Variants in PIAS2 observed in about 807,000 individuals in gnomAD.
PIAS2 encodes the protein E3 SUMO-protein ligase PIAS2.
Under a neutral mutation model 69.7 loss-of-function variants are expected in PIAS2, and 19 were observed. That is an observed-to-expected ratio of 0.27 (90% CI 0.19 to 0.40). The LOEUF (loss-of-function observed/expected upper bound fraction) is 0.40, where lower values mean the gene tolerates loss of function less well. PIAS2 is among the 10% of genes least tolerant of loss of function. The pLI, the probability that PIAS2 is intolerant of heterozygous loss-of-function variation, is 1.00. For missense variants in PIAS2, 624 were observed against 757.0 expected, an observed-to-expected ratio of 0.82 and a Z score of 2.06; for synonymous variants, 261 against 263.2, an observed-to-expected ratio of 0.99 and a Z score of 0.08.
At chr18:46,829,524 G>C (rs1313271434) in intron 10 of PIAS2, among the ~76,000 whole-genome samples, 1 of 152,022 alleles carries the variant, frequency 6.6e-6, no homozygotes, top group Non-Finnish European at 1.5e-5. Context: ...TTCTACACAG[G>C]AAAAATATAC....
At chr18:46,847,777 C>T (rs771444710) in intron 5 of PIAS2, among the ~76,000 whole-genome samples, 3 of 152,132 alleles carry the variant, frequency 2.0e-5, no homozygotes, top group African/African-American at 7.2e-5. Context: ...CCACAGTGCC[C>T]GGCCAACTGT....
At chr18:46,917,541 A>C (rs2058128615), upstream of PIAS2, 4 of 1,137,832 alleles carry the variant, frequency 3.5e-6, no homozygotes, top group Non-Finnish European at 4.3e-6. Flanking sequence ...CGACGCGCCG[A>C]AGCCCCGCCC....
chr18:46,850,447 C>A (rs565890311), intron 5 of PIAS2, among the ~76,000 whole-genome samples: 5 of 152,252 alleles, frequency 3.3e-5, no homozygotes, highest in African/African-American at 1.2e-4. Flanking sequence ...TGAAGAATGA[C>A]TTCGCATTCT....
At chr18:46,861,156 T>G (rs2048604386) in intron 3 of PIAS2, among the ~76,000 whole-genome samples, 1 of 151,962 alleles carries the variant, frequency 6.6e-6, no homozygotes, top group African/African-American at 2.4e-5. Flanking sequence ...GAAGAATCGC[T>G]TGAACCTGGG....
At chr18:46,868,445 CG>C (rs1331968507) in intron 2 of PIAS2, among the ~76,000 whole-genome samples, 16 of 152,150 alleles carry the variant, frequency 1.1e-4, no homozygotes, top group Non-Finnish European at 1.9e-4. Context: ...CCGCCTTTGC[CG>C]CACCCTGACA....
intron 1 of PIAS2, among the ~76,000 whole-genome samples, chr18:46,891,838 T>C (rs1179218826): frequency 1.3e-5 from 2 of 152,114 alleles, no homozygotes; most frequent in African/African-American, 2.4e-5. Context: ...CATCACACCT[T>C]CTATTTTTTC....
intron 10 of PIAS2, among the ~76,000 whole-genome samples, 177 bp downstream of exon 10, chr18:46,829,557 T>C (rs933904930): frequency 2.0e-5 from 3 of 152,194 alleles, no homozygotes; most frequent in African/African-American, 7.2e-5. Flanking sequence ...GATAAGATGG[T>C]ATAAACTTTA....
intron 5 of PIAS2, among the ~76,000 whole-genome samples, chr18:46,848,793 G>GAGAC (rs1555746150): frequency 1.2e-4 from 18 of 149,354 alleles, no homozygotes; most frequent in African/African-American, 1.5e-4. Flanking sequence ...GTGTGTGAGA[G>GAGAC]AGAGAGAGTA....
chr18:46,883,382 G>A (rs915350896), intron 2 of PIAS2, among the ~76,000 whole-genome samples: 1 of 152,094 alleles, frequency 6.6e-6, no homozygotes, highest in Non-Finnish European at 1.5e-5. Context: ...AGCGAACAAA[G>A]AGTCACAGAA....
chr18:46,858,784 G>C (rs1172424953), intron 3 of PIAS2, among the ~76,000 whole-genome samples: 1 of 152,172 alleles, frequency 6.6e-6, no homozygotes, highest in Non-Finnish European at 1.5e-5. Flanking sequence ...AAAATGGTAA[G>C]ACTTGATGAA....
chr18:46,915,928 A>C (rs2146360432), intron 1 of PIAS2, among the ~76,000 whole-genome samples: 1 of 152,262 alleles, frequency 6.6e-6, no homozygotes, highest in Non-Finnish European at 1.5e-5. Context: ...GAATTTACAG[A>C]GGTGAGGTTC....
intron 12 of PIAS2, chr18:46,817,993 T>G: frequency 1.0e-6 from 1 of 986,506 alleles, no homozygotes. Context: ...TACTGATATA[T>G]TTTTATGCCC....
At chr18:46,848,112 C>T (rs1018591286) in intron 5 of PIAS2, among the ~76,000 whole-genome samples, 1 of 152,166 alleles carries the variant, frequency 6.6e-6, no homozygotes, top group Non-Finnish European at 1.5e-5. Flanking sequence ...GTCATTAATG[C>T]ATACATTTTT....
At chr18:46,815,438 A>G in intron 12 of PIAS2, 89 bp from the exon 13 acceptor site, 1 of 1,594,592 alleles carries the variant, frequency 6.3e-7, no homozygotes, top group Non-Finnish European at 8.6e-7. Flanking sequence ...AAATCACAAA[A>G]CATTTGTGGT....
chr18:46,836,731 C>T (rs931260258), intron 8 of PIAS2, among the ~76,000 whole-genome samples: 9 of 152,106 alleles, frequency 5.9e-5, no homozygotes, highest in African/African-American at 1.4e-4. Context: ...TTTTTCAAAA[C>T]GGGTTAACAT....
intron 1 of PIAS2, among the ~76,000 whole-genome samples, chr18:46,913,718 G>C (rs1304862857): frequency 6.6e-6 from 1 of 152,110 alleles, no homozygotes; most frequent in East Asian, 1.9e-4. Flanking sequence ...CAACTGGAAG[G>C]GTAAAGAAAA....
Position 46,806,690 on chromosome 18 carries a change from G to A in PIAS2, c.*5743C>T, listed in dbSNP as rs1396266983. 2 of 152,044 alleles carry A rather than the reference G, an allele frequency of 1.3e-5. No individual in the cohort carries two copies. The highest frequency in any genetic ancestry group is 2.9e-5 in the Non-Finnish European group (2 of 68,024). The allele number at this position is 152,044 out of a possible 1,614,324, so 9.4% of individuals were successfully genotyped here. ...TTGATTTTTGGAACCTTGATTATAA[G>A]CTGCCTGATGTCTGGAACCAAAACT... On this transcript the variant is annotated 3_prime_UTR_variant, in exon 14 of 14. Coordinates refer to ENST00000585916, the MANE Select transcript of PIAS2 (RefSeq NM_004671.5).
rs2045945756 is a variant in PIAS2, at chr18:46,844,859, A to C, written c.862-20T>G. The C allele has an allele frequency of 4.8e-6, 5 of 1,036,866 alleles. No homozygotes were observed. The highest frequency in any genetic ancestry group is 6.9e-6 in the Non-Finnish European group (5 of 721,090). 64.2% of individuals were successfully genotyped at this position (1,036,866 alleles called of 1,614,324 possible). On this transcript the variant is annotated intron_variant, in intron 6 of 13. Transcript: ENST00000585916. ...GTAATTCTACAAACAAACAAAAAAA[A>C]CCTGCATTAAAGATGAGAGATAATA...
At chr18:46,917,660 G>C, upstream of PIAS2, 1 of 639,334 alleles carries the variant, frequency 1.6e-6, no homozygotes, top group Non-Finnish European at 2.0e-6. Flanking sequence ...CCGCGGCTTG[G>C]CCCCGCTCGG....
Sources: allele counts gnomAD v4.1 joint callset (sites outside exome capture counted in the v4.1 genomes callset), GRCh38; gene constraint gnomAD v4.1.1; transcripts MANE v1.5; gene names NCBI Gene and HGNC (gene_info 2026-07-23, HGNC 2026-07-21).